Variants in LPIN1 observed in about 807,000 individuals in gnomAD.
The protein encoded by LPIN1 is phosphatidate phosphatase LPIN1.
In LPIN1, 71 loss-of-function variants were observed where a neutral mutation model predicts 107.5. The ratio of observed to expected loss-of-function variants is 0.66; its 90% CI spans 0.55 to 0.80. LPIN1 has a LOEUF of 0.80. LPIN1 is among the 30% of genes least tolerant of loss of function. LPIN1 has a pLI of 0.00. For synonymous variants in LPIN1, 445 were observed against 452.6 expected (o/e 0.98, Z 0.21); for missense variants, 1,043 against 1,160.6 (o/e 0.90, Z 1.47).
At position 11,784,951 on chromosome 2, in the gene LPIN1, C is replaced by T; in HGVS notation, c.1424C>T (p.Pro475Leu). ...GGAGCCCGGTCAGCCAACCAGTCCC[C>T]GCAGTCGGTGGGCAGCTCGGGCGTG... is the stretch of plus-strand genomic sequence containing the variant. ...DNGARSANQSPQSVGSSGVDS... is the reference protein window; with the variant it reads ...DNGARSANQSLQSVGSSGVDS... Residue 475 changes from proline (P) to leucine (L), a missense_variant, in exon 10 of 21, where the codon CCG (proline) becomes CTG (leucine). By Grantham distance (98) the Pro-to-Leu change is moderately conservative (BLOSUM62 -3). Transcript: ENST00000674199. 1.2e-6 allele frequency: 2 copies of T among 1,613,972 alleles called. No individual in the cohort carries two copies. The highest frequency in any genetic ancestry group is 8.5e-7 in the Non-Finnish European group (1 of 1,180,018).
At chr2:11,736,024 T>C (rs1421575198) in intron 1 of LPIN1, among the ~76,000 whole-genome samples, 1 of 152,218 alleles carries the variant, frequency 6.6e-6, no homozygotes, top group Non-Finnish European at 1.5e-5. Flanking sequence ...CTTCCCTCAC[T>C]GAGGCCAGAA....
At chr2:11,821,568 C>T (rs1681532945) in intron 20 of LPIN1, among the ~76,000 whole-genome samples, 1 of 152,180 alleles carries the variant, frequency 6.6e-6, no homozygotes, top group African/African-American at 2.4e-5. Context: ...CCGAGGGGTT[C>T]CTCTTTATCT....
chr2:11,733,204 AT>A (rs1323767829), intron 1 of LPIN1, among the ~76,000 whole-genome samples: 1 of 152,124 alleles, frequency 6.6e-6, no homozygotes, highest in Non-Finnish European at 1.5e-5. Context: ...CCTGCAGCTG[AT>A]CCAAGTATTC....
intron 17 of LPIN1, among the ~76,000 whole-genome samples, chr2:11,808,887 GA>G (rs1679178236): frequency 8.8e-6 from 1 of 113,968 alleles, no homozygotes; most frequent in Non-Finnish European, 2.2e-5. Flanking sequence ...AAAAAAAAAA[GA>G]GAGAGCGAGA....
intron 1 of LPIN1, among the ~76,000 whole-genome samples, chr2:11,735,432 C>T (rs1275484787): frequency 6.6e-6 from 1 of 152,078 alleles, no homozygotes; most frequent in African/African-American, 2.4e-5. Flanking sequence ...AAGGAAAATT[C>T]AATTTTGCTT....
At chr2:11,691,201 T>G (rs2148507421) in intron 1 of LPIN1, among the ~76,000 whole-genome samples, 1 of 152,074 alleles carries the variant, frequency 6.6e-6, no homozygotes, top group African/African-American at 2.4e-5. Flanking sequence ...GGTTTGTAGT[T>G]GCCTCCCCAG....
chr2:11,803,015 G>T lies in LPIN1; in HGVS notation c.1995G>T (p.Arg665=). 6.2e-7 allele frequency: 1 copy of T among 1,612,568 alleles called. No individual in the cohort carries two copies. The highest frequency in any genetic ancestry group is 8.5e-7 in the Non-Finnish European group (1 of 1,180,034). The change falls in exon 15 of 21, where the codon CGG becomes CGT. Residue 665 remains arginine, a synonymous_variant. Coordinates refer to ENST00000674199, the MANE Select transcript of LPIN1 (RefSeq NM_001349206.2). The surrounding 1 kb of genome is among the most constrained non-coding windows in gnomAD (Gnocchi z 4.2). ...LPNVSYKKTL[R]LTSEQLKSLK... ...ATGTCAGCTACAAGAAGACTCTCCG[G>T]CTGACTTCCGAGCAGCTTGTGAGTC...
At position 11,753,689 on chromosome 2, in the gene LPIN1, A is replaced by G. The variant is rs545814005; in HGVS notation, c.-10+7018A>G. ...TCACAGGTAATTCATCACCCTTATC[A>G]ACCGCCGTTAAGTATCAGTCCACAA... On this transcript the variant is annotated intron_variant, in intron 1 of 20. Coordinates refer to ENST00000674199, the MANE Select transcript of LPIN1 (RefSeq NM_001349206.2). Among the ~76,000 whole-genome samples, 212 of 152,314 alleles carry G rather than the reference A, an allele frequency of 1.4e-3. 1 individual carries two copies. The South Asian group carries it at 0.015, about 11-fold the overall frequency.
At chr2:11,700,548 A>C (rs1662819224) in intron 1 of LPIN1, among the ~76,000 whole-genome samples, 1 of 151,280 alleles carries the variant, frequency 6.6e-6, no homozygotes, top group African/African-American at 2.4e-5. Context: ...TATGGGCTTT[A>C]GTGCCAGCCC....
At chr2:11,768,248 T>C (rs1476419780) in intron 3 of LPIN1, among the ~76,000 whole-genome samples, 4 of 152,252 alleles carry the variant, frequency 2.6e-5, no homozygotes. Context: ...TATTGAGATA[T>C]ACATCACATA....
chr2:11,799,903 A>G lies in LPIN1; in HGVS notation c.1887-3004A>G, dbSNP rs564335904. Among the ~76,000 whole-genome samples the G allele has an allele frequency of 2.6e-5, 4 of 152,298 alleles. No homozygotes were observed. The East Asian group carries it at 5.8e-4, about 22-fold the overall frequency. On this transcript the variant is annotated intron_variant, in intron 14 of 20. Coordinates refer to ENST00000674199, the MANE Select transcript of LPIN1 (RefSeq NM_001349206.2). ...TTTTTCAGAGTCTAACTGCTGTACCATCTCCACTCTACCTAGAATCAGGAT... is the reference window on the plus strand; with the variant it reads ...TTTTTCAGAGTCTAACTGCTGTACCGTCTCCACTCTACCTAGAATCAGGAT...
At chr2:11,763,808 C>T (rs968053113) in intron 1 of LPIN1, among the ~76,000 whole-genome samples, 10 of 151,652 alleles carry the variant, frequency 6.6e-5, no homozygotes, top group African/African-American at 1.2e-4. Context: ...ATGGACCTCT[C>T]GTTGTACCCT....
intron 17 of LPIN1, among the ~76,000 whole-genome samples, chr2:11,813,257 G>C (rs1049915315): frequency 3.3e-5 from 5 of 152,132 alleles, no homozygotes; most frequent in African/African-American, 9.7e-5. Context: ...AGATATCAGT[G>C]TATAGATAGT....
chr2:11,805,929 A>T (rs1678597192), intron 17 of LPIN1, among the ~76,000 whole-genome samples: 1 of 152,076 alleles, frequency 6.6e-6, no homozygotes, highest in African/African-American at 2.4e-5. Context: ...TGCCAGGCCC[A>T]AGCCTCTCTC....
chr2:11,796,629 CT>C (rs1453760077), intron 14 of LPIN1, among the ~76,000 whole-genome samples: 1 of 152,108 alleles, frequency 6.6e-6, no homozygotes, highest in Non-Finnish European at 1.5e-5. Flanking sequence ...GTGCCTCCCC[CT>C]GACCCACCGC....
At position 11,819,537 on chromosome 2, in the gene LPIN1, T is replaced by A; in HGVS notation, c.2456T>A (p.Ile819Asn). The part of the protein sequence containing the change: ...EKFKVQCLTD[I>N]KNLFFPNTEP... ...TTTAAAGTCCAGTGTTTGACAGACA[T>A]CAAAAACCTGTTTTTCCCCAACACA... Residue 819 changes from isoleucine to asparagine, a missense_variant, in exon 19 of 21, where the codon ATC (isoleucine) becomes AAC (asparagine). Physicochemically the swap from Ile to Asn is moderately radical, Grantham distance 149. Coordinates refer to ENST00000674199, the MANE Select transcript of LPIN1 (RefSeq NM_001349206.2). 2.5e-6 allele frequency: 4 copies of A among 1,614,118 alleles called. No individual in the cohort carries two copies. Among genetic ancestry groups the A allele is most frequent in the South Asian group, 1.1e-5 (1 of 91,082 alleles).
chr2:11,802,961 A>G lies in LPIN1; in HGVS notation c.1941A>G (p.Ser647=). 1 of 1,613,468 alleles carries G rather than the reference A, an allele frequency of 6.2e-7. No individual in the cohort carries two copies. Among genetic ancestry groups the G allele is most frequent in the Non-Finnish European group, 8.5e-7 (1 of 1,180,032 alleles). The part of the protein sequence containing the change: ...SDEERAAAKP[S]NAGHLPLLPN... Reference sequence around the variant, plus strand: ...AGGAGCGCGCAGCTGCCAAGCCATCAAACGCAGGCCACCTCCCTCTTCTGC... The same window carrying G: ...AGGAGCGCGCAGCTGCCAAGCCATCGAACGCAGGCCACCTCCCTCTTCTGC... The change falls in exon 15 of 21, where the codon TCA becomes TCG. Residue 647 remains serine, a synonymous_variant. Coordinates refer to ENST00000674199, the MANE Select transcript of LPIN1 (RefSeq NM_001349206.2).
intron 14 of LPIN1, among the ~76,000 whole-genome samples, chr2:11,797,568 A>C (rs1480458876): frequency 6.6e-6 from 1 of 152,182 alleles, no homozygotes; most frequent in Non-Finnish European, 1.5e-5. Context: ...TCATTTTGGA[A>C]CTTTTAAATT....
chr2:11,768,710 G>T (rs1172757907), intron 3 of LPIN1, among the ~76,000 whole-genome samples: 1 of 152,144 alleles, frequency 6.6e-6, no homozygotes, highest in Non-Finnish European at 1.5e-5. Context: ...GTCGAGGTGG[G>T]CGGATCACGA....
Sources: gnomAD v4.1 joint callset for allele counts (sites outside exome capture counted in the v4.1 genomes callset) on GRCh38, gnomAD v4.1.1 for gene constraint, Gnocchi (gnomAD v3.1) non-coding constraint, MANE v1.5 for transcripts, NCBI Gene and HGNC (gene_info 2026-07-23, HGNC 2026-07-21) for gene names.